Variants in AGBL4 observed in about 807,000 individuals in gnomAD.
The protein encoded by AGBL4 is cytosolic carboxypeptidase 6.
Under a neutral mutation model 66.4 loss-of-function variants are expected in AGBL4, and 58 were observed. That is an observed-to-expected ratio of 0.87 (90% CI 0.71 to 1.09). AGBL4 has a LOEUF of 1.09. Among genes scored for constraint, AGBL4 ranks in the 50% least tolerant of loss-of-function variants. The pLI, the probability that AGBL4 is intolerant of heterozygous loss-of-function variation, is 0.00. For missense variants in AGBL4, 579 were observed against 631.0 expected, an observed-to-expected ratio of 0.92 and a Z score of 0.88; for synonymous variants, 234 against 222.9, an observed-to-expected ratio of 1.05 and a Z score of -0.44.
intron 5 of AGBL4, among the ~76,000 whole-genome samples, chr1:49,009,164 A>C (rs1248014411): frequency 6.6e-6 from 1 of 151,900 alleles, no homozygotes; most frequent in East Asian, 1.9e-4. Context: ...GAGAAGAATC[A>C]AATAGACGCA....
At chr1:49,337,578 C>A (rs1031527599) in intron 3 of AGBL4, among the ~76,000 whole-genome samples, 1 of 152,104 alleles carries the variant, frequency 6.6e-6, no homozygotes, top group African/African-American at 2.4e-5. Context: ...CACAGTAATC[C>A]ACTGGTCATC....
chr1:49,311,487 C>T (rs1454247518), intron 3 of AGBL4, among the ~76,000 whole-genome samples: 2 of 151,838 alleles, frequency 1.3e-5, no homozygotes, highest in East Asian at 3.9e-4. Context: ...ATACCCAGCT[C>T]CAAAACATGA....
At chr1:48,660,338 A>T (rs528117592) in intron 7 of AGBL4, among the ~76,000 whole-genome samples, 2 of 152,326 alleles carry the variant, frequency 1.3e-5, no homozygotes, top group South Asian at 4.1e-4. Flanking sequence ...GATGGGCACA[A>T]CCGGCTTCAC....
chr1:49,896,979 A>G (rs1649288390), intron 1 of AGBL4, among the ~76,000 whole-genome samples: 1 of 152,034 alleles, frequency 6.6e-6, no homozygotes, highest in South Asian at 2.1e-4. Context: ...TAAAATCCAC[A>G]TACAACAGAC....
At chr1:49,284,620 G>C (rs2148412244) in intron 3 of AGBL4, among the ~76,000 whole-genome samples, 1 of 152,286 alleles carries the variant, frequency 6.6e-6, no homozygotes, top group East Asian at 1.9e-4. Context: ...GCTGTATTCT[G>C]GAAACCCATC....
intron 1 of AGBL4, among the ~76,000 whole-genome samples, chr1:49,874,662 T>G (rs1646930451): frequency 6.6e-6 from 1 of 152,162 alleles, no homozygotes; most frequent in Non-Finnish European, 1.5e-5. Flanking sequence ...GTTGCTCAAG[T>G]ATTATTCTAC....
chr1:49,711,643 C>T (rs906602767), intron 2 of AGBL4, among the ~76,000 whole-genome samples: 6 of 152,022 alleles, frequency 3.9e-5, no homozygotes, highest in Admixed American at 3.3e-4. Flanking sequence ...TTGATTGTGG[C>T]GACAGTTTCC....
intron 9 of AGBL4, among the ~76,000 whole-genome samples, chr1:48,618,785 G>A (rs967027435): frequency 6.6e-6 from 1 of 152,178 alleles, no homozygotes; most frequent in Non-Finnish European, 1.5e-5. Flanking sequence ...AATCTTTGGA[G>A]TTCATTCTGG....
At chr1:49,371,704 A>G (rs1644348873) in intron 3 of AGBL4, among the ~76,000 whole-genome samples, 1 of 152,080 alleles carries the variant, frequency 6.6e-6, no homozygotes, top group South Asian at 2.1e-4. Flanking sequence ...ATAAAATTCT[A>G]GGTAGAATGG....
At chr1:49,110,148 C>A (rs1290628698) in intron 4 of AGBL4, among the ~76,000 whole-genome samples, 4 of 152,186 alleles carry the variant, frequency 2.6e-5, no homozygotes, top group Non-Finnish European at 5.9e-5. Flanking sequence ...TTCCTGTTTT[C>A]TCCTCCCTTC....
the AGBL4 span, among the ~76,000 whole-genome samples, chr1:48,524,973 G>A: frequency 6.6e-6 from 1 of 150,630 alleles, no homozygotes; most frequent in Non-Finnish European, 1.5e-5. Flanking sequence ...GCTTTTATTT[G>A]TGAACTTCTG....
At chr1:49,743,589 A>T (rs1324050936) in intron 2 of AGBL4, among the ~76,000 whole-genome samples, 2 of 152,152 alleles carry the variant, frequency 1.3e-5, no homozygotes, top group African/African-American at 4.8e-5. Flanking sequence ...TGCCGCTATA[A>T]AGACACATGC....
intron 9 of AGBL4, among the ~76,000 whole-genome samples, chr1:48,633,863 G>A (rs1023286389): frequency 3.9e-5 from 6 of 152,132 alleles, no homozygotes; most frequent in South Asian, 2.1e-4. Context: ...GAAATGGTAG[G>A]CCCTCTTTTC....
chr1:49,068,693 G>A (rs1644539677), intron 4 of AGBL4, among the ~76,000 whole-genome samples: 1 of 152,180 alleles, frequency 6.6e-6, no homozygotes, highest in Non-Finnish European at 1.5e-5. Context: ...ATAAACATAT[G>A]TGTCCATGTG....
chr1:48,669,776 G>T (rs1366987241), intron 6 of AGBL4, among the ~76,000 whole-genome samples: 1 of 152,164 alleles, frequency 6.6e-6, no homozygotes, highest in South Asian at 2.1e-4. Context: ...AGGACCAAAA[G>T]CCACAACTCA....
chr1:48,523,574 A>G, the AGBL4 span, among the ~76,000 whole-genome samples: 1 of 152,232 alleles, frequency 6.6e-6, no homozygotes, highest in Non-Finnish European at 1.5e-5. Context: ...ATAAATGAAT[A>G]AAAGAAAGAA....
In AGBL4 at chr1:48,603,252, A is replaced by ACC. The variant is rs1459028367; in HGVS notation, c.952-12268_952-12267insGG. ...TTTGGGAAGCTGAGGCAGGTGGATC[A>ACC]TGAGGTCAGGAGGTCGAGACAATCC... On this transcript the variant is annotated intron_variant, in intron 9 of 13. Transcript: ENST00000371839. Among the ~76,000 whole-genome samples, 40 of 151,940 alleles carry ACC rather than the reference A, an allele frequency of 2.6e-4. No homozygotes were observed. In the East Asian group the frequency reaches 6.9e-3, roughly 26 times the overall value.
intron 5 of AGBL4, among the ~76,000 whole-genome samples, chr1:48,895,426 A>C (rs910792241): frequency 6.6e-6 from 1 of 152,234 alleles, no homozygotes; most frequent in African/African-American, 2.4e-5. Context: ...GAGACAGCTT[A>C]TAATTCTGAC....
intron 4 of AGBL4, among the ~76,000 whole-genome samples, chr1:49,175,799 A>G (rs187481473): frequency 4.6e-5 from 7 of 152,310 alleles, no homozygotes; most frequent in Non-Finnish European, 7.4e-5. Context: ...GTCAAAGAGA[A>G]AGACAGACCT....
Sources: allele counts gnomAD v4.1 joint callset (sites outside exome capture counted in the v4.1 genomes callset), GRCh38; gene constraint gnomAD v4.1.1; transcripts MANE v1.5; gene names NCBI Gene and HGNC (gene_info 2026-07-23, HGNC 2026-07-21).